The following ZNF536 variants were observed in gnomAD, a reference collection of about 807,000 sequenced individuals.
The protein encoded by ZNF536 is zinc finger protein 536.
A neutral mutation model predicts 84.5 loss-of-function variants in ZNF536; 13 were observed. The observed-to-expected ratio is 0.15, with a 90% CI of 0.10 to 0.24. The LOEUF (loss-of-function observed/expected upper bound fraction) is 0.24, where lower values mean the gene tolerates loss of function less well. ZNF536 is among the 10% of genes least tolerant of loss of function. The pLI, the probability that ZNF536 is intolerant of heterozygous loss-of-function variation, is 1.00. For missense variants in ZNF536, 1,536 were observed against 1,747.5 expected (o/e 0.88, Z 2.16); for synonymous variants, 811 against 742.5 (o/e 1.09, Z -1.50).
intron 2 of ZNF536, among the ~76,000 whole-genome samples, chr19:30,326,535 A>G (rs1026818207): frequency 1.3e-5 from 2 of 152,172 alleles, no homozygotes; most frequent in South Asian, 2.1e-4. Flanking sequence ...AAAGTTGGTC[A>G]CTGACAACTT....
intron 1 of ZNF536, among the ~76,000 whole-genome samples, chr19:30,703,519 T>C (rs1374664944): frequency 6.6e-6 from 1 of 152,178 alleles, no homozygotes; most frequent in Non-Finnish European, 1.5e-5. Context: ...TGTTAACAAC[T>C]TGTTCCTTTG....
chr19:30,339,157 T>C (rs544600496), intron 2 of ZNF536, among the ~76,000 whole-genome samples: 8 of 152,316 alleles, frequency 5.3e-5, no homozygotes, highest in African/African-American at 1.9e-4. Context: ...GCCTCCCCCA[T>C]GTTCTGGAGC....
chr19:30,634,792 A>G (rs1023353865), intron 1 of ZNF536, among the ~76,000 whole-genome samples: 1 of 151,902 alleles, frequency 6.6e-6, no homozygotes, highest in Admixed American at 6.6e-5. Context: ...GCAGCTCGTT[A>G]TGGCTGCATC....
intron 2 of ZNF536, among the ~76,000 whole-genome samples, chr19:30,301,720 G>A (rs909755018): frequency 6.6e-6 from 1 of 151,948 alleles, no homozygotes; most frequent in African/African-American, 2.4e-5. Context: ...TATTCGTTTC[G>A]ATTAAATTTT....
intron 1 of ZNF536, among the ~76,000 whole-genome samples, chr19:30,647,042 T>C (rs778851507): frequency 2.0e-5 from 3 of 152,210 alleles, no homozygotes; most frequent in Non-Finnish European, 4.4e-5. Context: ...ATTAGTCCTT[T>C]GTGAGTCAGT....
intron 1 of ZNF536, among the ~76,000 whole-genome samples, chr19:30,630,008 C>T (rs1346821090): frequency 6.6e-6 from 1 of 152,232 alleles, no homozygotes; most frequent in Non-Finnish European, 1.5e-5. Flanking sequence ...GCATTGGGCA[C>T]AGCTCAGCCC....
At chr19:30,627,552 G>A (rs1382459858) in intron 1 of ZNF536, among the ~76,000 whole-genome samples, 1 of 146,472 alleles carries the variant, frequency 6.8e-6, no homozygotes, top group African/African-American at 2.6e-5. Flanking sequence ...TTCCAGCCCT[G>A]CCTCCATTGT....
Position 30,444,500 on chromosome 19 carries a change from A to AG in ZNF536, c.940dup (p.Glu314GlyfsTer59), listed in dbSNP as rs749437102. 1 of 1,611,966 alleles carries AG rather than the reference A, an allele frequency of 6.2e-7. No individual in the cohort carries two copies. On this transcript the variant is annotated frameshift_variant, in exon 2 of 5. Coordinates refer to ENST00000355537, the MANE Select transcript of ZNF536 (RefSeq NM_014717.3). LOFTEE classifies it high-confidence loss of function. ...TGCGACTTCGCGGCTTCGCAGGAGG[A>AG]GGAGCTCATCAGCCACGTGGAGAAG... is the stretch of plus-strand genomic sequence containing the variant.
chr19:30,629,772 A>C (rs1308176100), intron 1 of ZNF536, among the ~76,000 whole-genome samples: 1 of 152,210 alleles, frequency 6.6e-6, no homozygotes, highest in Non-Finnish European at 1.5e-5. Context: ...CCGTTTGTCA[A>C]CCAGTGCATC....
At chr19:30,262,621 T>C (rs1248205610) in intron 1 of ZNF536, among the ~76,000 whole-genome samples, 1 of 152,156 alleles carries the variant, frequency 6.6e-6, no homozygotes, top group Admixed American at 6.5e-5. Context: ...GGACTTGTCT[T>C]GCTGGTGTTC....
At chr19:30,461,820 G>C (rs1051962174) in intron 2 of ZNF536, among the ~76,000 whole-genome samples, 15 of 152,212 alleles carry the variant, frequency 9.9e-5, no homozygotes, top group African/African-American at 3.6e-4. Flanking sequence ...GAGATGGCCT[G>C]CATGTGTGGC....
intron 4 of ZNF536, chr19:30,556,896 G>A: frequency 2.5e-6 from 1 of 392,222 alleles, no homozygotes; most frequent in Non-Finnish European, 4.4e-6. Flanking sequence ...TGTGTGCAAA[G>A]CCCAGGGTTC....
At chr19:30,290,180 C>A (rs1292215847) in intron 2 of ZNF536, among the ~76,000 whole-genome samples, 1 of 152,194 alleles carries the variant, frequency 6.6e-6, no homozygotes, top group Non-Finnish European at 1.5e-5. Flanking sequence ...CAAGGTTCAT[C>A]CATATTGTGG....
intron 1 of ZNF536, among the ~76,000 whole-genome samples, chr19:30,625,545 G>A (rs1261375221): frequency 2.6e-5 from 4 of 152,248 alleles, no homozygotes; most frequent in Admixed American, 2.0e-4. Flanking sequence ...AAGCGGGCAA[G>A]GTTGGCATTA....
intron 3 of ZNF536, among the ~76,000 whole-genome samples, chr19:30,540,034 T>C (rs1036923613): frequency 2.6e-5 from 4 of 152,222 alleles, no homozygotes; most frequent in Non-Finnish European, 4.4e-5. Context: ...GAGTGGTTTA[T>C]TAATCTGGTT....
chr19:30,651,945 G>T (rs1301879649), intron 1 of ZNF536, among the ~76,000 whole-genome samples: 1 of 152,174 alleles, frequency 6.6e-6, no homozygotes, highest in Non-Finnish European at 1.5e-5. Context: ...CTAAGAGCTG[G>T]TTACAAGTAC....
At chr19:30,311,685 T>C (rs1356376416) in intron 2 of ZNF536, among the ~76,000 whole-genome samples, 2 of 152,162 alleles carry the variant, frequency 1.3e-5, no homozygotes, top group East Asian at 3.9e-4. Context: ...CCAACTTAGT[T>C]AGCCTAGTCC....
In ZNF536 at chr19:30,229,060, GC is replaced by G. The variant is rs952345637; in HGVS notation, c.-190+389del. 4.1e-4 allele frequency among the ~76,000 whole-genome samples: 63 copies of G among 152,182 alleles called. 1 individual carries two copies. Among genetic ancestry groups the G allele is most frequent in the Admixed American group, 3.7e-3 (57 of 15,292 alleles). ...CGGGGCCGGCTGCTGGTCGCGCCGC[GC>G]CGTAAATGCAAGCCTGTAGCCAAAT... On this transcript the variant is annotated intron_variant, in intron 1 of 5. Coordinates refer to the ZNF536 transcript ENST00000585628.
At chr19:30,301,930 C>G (rs2046198927) in intron 2 of ZNF536, among the ~76,000 whole-genome samples, 1 of 152,012 alleles carries the variant, frequency 6.6e-6, no homozygotes, top group South Asian at 2.1e-4. Flanking sequence ...TCTGCCCCAC[C>G]TCTGCACACT....
Sources: gnomAD v4.1 joint callset for allele counts (sites outside exome capture counted in the v4.1 genomes callset) on GRCh38, gnomAD v4.1.1 for gene constraint, MANE v1.5 for transcripts, NCBI Gene and HGNC (gene_info 2026-07-23, HGNC 2026-07-21) for gene names.